The following KCNH7 variants were observed in gnomAD, a reference collection of about 807,000 sequenced individuals.
KCNH7 encodes potassium voltage-gated channel subfamily H member 7.
A neutral mutation model predicts 120.8 loss-of-function variants in KCNH7; 49 were observed. That is an observed-to-expected ratio of 0.41 (90% CI 0.32 to 0.51). KCNH7 has a LOEUF of 0.51. Among genes scored for constraint, KCNH7 ranks in the 20% least tolerant of loss-of-function variants. The pLI is 0.38. For missense variants in KCNH7, 1,097 were observed against 1,446.6 expected (o/e 0.76, Z 3.92); for synonymous variants, 547 against 516.1 (o/e 1.06, Z -0.81).
At chr2:162,710,370 A>T (rs114853312) in intron 2 of KCNH7, among the ~76,000 whole-genome samples, 3 of 152,250 alleles carry the variant, frequency 2.0e-5, no homozygotes, top group Admixed American at 2.0e-4. Context: ...TAGAACTTCT[A>T]TTTTTGTTTC....
At chr2:162,706,973 C>A (rs1314259914) in intron 2 of KCNH7, among the ~76,000 whole-genome samples, 3 of 152,096 alleles carry the variant, frequency 2.0e-5, no homozygotes, top group Non-Finnish European at 2.9e-5. Flanking sequence ...TCTCCGGTTT[C>A]ATGGTGTTCT....
At chr2:162,632,250 A>G (rs1359465071) in intron 2 of KCNH7, among the ~76,000 whole-genome samples, 1 of 152,024 alleles carries the variant, frequency 6.6e-6, no homozygotes, top group Non-Finnish European at 1.5e-5. Flanking sequence ...GAAAAATAGT[A>G]TCATTGGTAA....
At chr2:162,712,175 C>G (rs754205076) in intron 2 of KCNH7, among the ~76,000 whole-genome samples, 2 of 152,038 alleles carry the variant, frequency 1.3e-5, no homozygotes, top group African/African-American at 2.4e-5. Flanking sequence ...TTCTTGGCAT[C>G]TTTAGAATTG....
chr2:162,411,040 A>G (rs1573926187), intron 9 of KCNH7, among the ~76,000 whole-genome samples: 2 of 152,160 alleles, frequency 1.3e-5, no homozygotes. Context: ...AAAGCAATGT[A>G]GAGATTTCTC....
chr2:162,450,784 T>C (rs998491284), intron 6 of KCNH7, among the ~76,000 whole-genome samples: 1 of 151,824 alleles, frequency 6.6e-6, no homozygotes, highest in African/African-American at 2.4e-5. Flanking sequence ...CATCTGGCAA[T>C]GGAATGGAGG....
At chr2:162,493,266 T>C (rs960239847) in intron 6 of KCNH7, among the ~76,000 whole-genome samples, 1 of 152,092 alleles carries the variant, frequency 6.6e-6, no homozygotes, top group African/African-American at 2.4e-5. Context: ...GTCTGTGTAA[T>C]CATATATGTG....
chr2:162,537,033 C>T lies in KCNH7; in HGVS notation c.355G>A (p.Glu119Lys). The change falls in exon 3 of 16, where the codon GAG becomes AAG. Residue 119 changes from glutamate (E) to lysine (K), a missense_variant. By Grantham distance (56) the Glu-to-Lys change is moderately conservative (BLOSUM62 1). Transcript: ENST00000332142. ...NTHIIPVKNQ[E>K]GVAMMFIINF... ...ATGATGAACATCATAGCCACGCCCTCTTGGTTTTTCACTGGAATTATGTGA... is the reference window on the plus strand; with the variant it reads ...ATGATGAACATCATAGCCACGCCCTTTTGGTTTTTCACTGGAATTATGTGA... 9 of 1,612,654 alleles carry T rather than the reference C, an allele frequency of 5.6e-6. No individual in the cohort carries two copies. The highest frequency in any genetic ancestry group is 7.6e-6 in the Non-Finnish European group (9 of 1,179,050).
chr2:162,407,436 C>A (rs188723169), intron 9 of KCNH7, among the ~76,000 whole-genome samples: 171 of 152,072 alleles, frequency 1.1e-3, no homozygotes, highest in African/African-American at 3.8e-3. Context: ...TATCCTGATC[C>A]AAATTAAGTC....
At chr2:162,624,569 A>G (rs529114226) in intron 2 of KCNH7, among the ~76,000 whole-genome samples, 2 of 152,186 alleles carry the variant, frequency 1.3e-5, no homozygotes, top group African/African-American at 4.8e-5. Context: ...CTTTTATTAT[A>G]CACTCTCACC....
intron 2 of KCNH7, among the ~76,000 whole-genome samples, chr2:162,729,326 C>A (rs1410637255): frequency 6.6e-6 from 1 of 152,016 alleles, no homozygotes; most frequent in African/African-American, 2.4e-5. Flanking sequence ...ACACCACGCC[C>A]GGCTAATTTT....
intron 2 of KCNH7, among the ~76,000 whole-genome samples, chr2:162,562,939 G>A (rs1484552265): frequency 2.0e-5 from 3 of 152,166 alleles, no homozygotes; most frequent in South Asian, 2.1e-4. Flanking sequence ...TGCTCTGATG[G>A]AGAACCTATC....
chr2:162,556,482 A>G (rs1018334243), intron 2 of KCNH7, among the ~76,000 whole-genome samples: 1 of 152,180 alleles, frequency 6.6e-6, no homozygotes, highest in African/African-American at 2.4e-5. Context: ...AATACCTAGT[A>G]TGTATTACTT....
chr2:162,796,234 T>C (rs1684141213), intron 2 of KCNH7: 1 of 152,058 alleles, frequency 6.6e-6, no homozygotes, highest in African/African-American at 2.4e-5. Context: ...AGACCTCATT[T>C]TTCTTATCTG....
chr2:162,706,100 C>T (rs1686692136), intron 2 of KCNH7, among the ~76,000 whole-genome samples: 1 of 152,086 alleles, frequency 6.6e-6, no homozygotes, highest in Non-Finnish European at 1.5e-5. Context: ...ATCTTTTGTG[C>T]TCCATTACAC....
intron 2 of KCNH7, among the ~76,000 whole-genome samples, chr2:162,625,172 C>G (rs1433213850): frequency 6.6e-6 from 1 of 152,090 alleles, no homozygotes; most frequent in Non-Finnish European, 1.5e-5. Flanking sequence ...GCTGGGGTTA[C>G]AGGCATGAGC....
chr2:162,799,318 A>T, intron 2 of KCNH7, among the ~76,000 whole-genome samples: 1 of 151,806 alleles, frequency 6.6e-6, no homozygotes, highest in African/African-American at 2.4e-5. Context: ...TAAATTTTCT[A>T]TTTAATTTAA....
intron 7 of KCNH7, among the ~76,000 whole-genome samples, chr2:162,440,664 C>T (rs989104125): frequency 1.3e-5 from 2 of 152,022 alleles, no homozygotes; most frequent in Non-Finnish European, 2.9e-5. Flanking sequence ...TCAGACCTCA[C>T]AAATACTTCT....
intron 2 of KCNH7, among the ~76,000 whole-genome samples, chr2:162,772,176 A>C (rs1683080263): frequency 6.6e-6 from 1 of 152,214 alleles, no homozygotes; most frequent in Admixed American, 6.5e-5. Context: ...TCCTAGGCCA[A>C]AAATATCATA....
At chr2:162,828,104 C>T (rs1410515402) in intron 2 of KCNH7, among the ~76,000 whole-genome samples, 2 of 151,810 alleles carry the variant, frequency 1.3e-5, no homozygotes, top group African/African-American at 4.8e-5. Context: ...TTTAGCAAAC[C>T]CAGAAGAAAT....
Sources: allele counts gnomAD v4.1 joint callset (sites outside exome capture counted in the v4.1 genomes callset), GRCh38; gene constraint gnomAD v4.1.1; transcripts MANE v1.5; gene names NCBI Gene and HGNC (gene_info 2026-07-23, HGNC 2026-07-21).